The following AGBL1 variants were observed in gnomAD, a reference collection of about 807,000 sequenced individuals.
AGBL1 encodes cytosolic carboxypeptidase 4.
AGBL1 carries 130 observed loss-of-function variants against 118.9 expected under a neutral mutation model. The observed-to-expected ratio is 1.09, with a 90% CI of 0.95 to 1.26. AGBL1 has a LOEUF of 1.26. Among genes scored for constraint, AGBL1 ranks in the 50% most tolerant of loss-of-function variants. AGBL1 has a pLI of 0.00. For missense variants in AGBL1, 1,584 were observed against 1,298.1 expected (o/e 1.22, Z -3.38); for synonymous variants, 555 against 478.9 (o/e 1.16, Z -2.08).
chr15:87,029,295 T>C (rs952604015), downstream of AGBL1, among the ~76,000 whole-genome samples: 2 of 151,870 alleles, frequency 1.3e-5, no homozygotes, highest in Non-Finnish European at 2.9e-5. Context: ...TATGTAATAC[T>C]GAAACAACTC....
chr15:86,711,465 G>T (rs2086554824), intron 22 of AGBL1, among the ~76,000 whole-genome samples: 1 of 152,148 alleles, frequency 6.6e-6, no homozygotes, highest in Non-Finnish European at 1.5e-5. Context: ...CTTGTTTATA[G>T]CATTTGTGTC....
intron 6 of AGBL1, among the ~76,000 whole-genome samples, chr15:86,234,440 A>C (rs934806614): frequency 6.7e-6 from 1 of 149,582 alleles, no homozygotes; most frequent in Admixed American, 6.7e-5. Flanking sequence ...AGTCCCAGCT[A>C]TTTGGGAGGC....
chr15:86,255,933 G>A (rs796116103), intron 7 of AGBL1, among the ~76,000 whole-genome samples: 4 of 152,210 alleles, frequency 2.6e-5, no homozygotes, highest in African/African-American at 9.6e-5. Context: ...GCAGCACCAC[G>A]GACATTCACA....
chr15:86,167,853 A>G (rs1182974262), intron 5 of AGBL1, among the ~76,000 whole-genome samples: 2 of 152,256 alleles, frequency 1.3e-5, no homozygotes, highest in African/African-American at 2.4e-5. Context: ...AAGTTCAATT[A>G]TAGTGCTATT....
At chr15:86,662,649 C>G (rs2085565034) in intron 21 of AGBL1, among the ~76,000 whole-genome samples, 1 of 152,212 alleles carries the variant, frequency 6.6e-6, no homozygotes, top group Admixed American at 6.5e-5. Flanking sequence ...TTGATAAAAT[C>G]AGCTGAACTA....
intron 22 of AGBL1, among the ~76,000 whole-genome samples, chr15:86,817,724 A>G (rs1308801298): frequency 6.6e-6 from 1 of 151,956 alleles, no homozygotes; most frequent in Admixed American, 6.6e-5. Flanking sequence ...GTGGTCCTCC[A>G]AAAGATACAT....
intron 22 of AGBL1, among the ~76,000 whole-genome samples, chr15:86,744,137 T>A (rs1200171700): frequency 6.6e-6 from 1 of 152,132 alleles, no homozygotes; most frequent in African/African-American, 2.4e-5. Context: ...AACTCTAGTT[T>A]AAAACACAAA....
intron 17 of AGBL1, among the ~76,000 whole-genome samples, chr15:86,370,301 CTT>C (rs5814238): frequency 0.025 from 3,336 of 130,950 alleles, 42 homozygotes; most frequent in African/African-American, 0.047. Context: ...GTCTCTATTC[CTT>C]TTTTTTTTTT....
chr15:86,381,473 C>G (rs1363190130), intron 17 of AGBL1, among the ~76,000 whole-genome samples: 2 of 151,922 alleles, frequency 1.3e-5, no homozygotes, highest in Non-Finnish European at 2.9e-5. Flanking sequence ...TCCAGGAAGA[C>G]TGGAAACTTA....
At chr15:86,482,019 G>A (rs1393255904) in intron 18 of AGBL1, among the ~76,000 whole-genome samples, 1 of 152,118 alleles carries the variant, frequency 6.6e-6, no homozygotes, top group Non-Finnish European at 1.5e-5. Flanking sequence ...AAGTCCAGTA[G>A]TCTGCTGTGT....
intron 22 of AGBL1, among the ~76,000 whole-genome samples, chr15:86,704,784 A>G (rs1047015140): frequency 1.3e-5 from 2 of 152,198 alleles, no homozygotes; most frequent in East Asian, 1.9e-4. Flanking sequence ...ATTACTGGGT[A>G]TGTACCCAAA....
intron 16 of AGBL1, among the ~76,000 whole-genome samples, chr15:86,286,974 C>A (rs1390830426): frequency 6.6e-6 from 1 of 151,984 alleles, no homozygotes; most frequent in African/African-American, 2.4e-5. Flanking sequence ...TTTACATTCC[C>A]ACCAATGGTG....
At chr15:86,841,421 A>G (rs922353447) in intron 22 of AGBL1, among the ~76,000 whole-genome samples, 2 of 152,198 alleles carry the variant, frequency 1.3e-5, no homozygotes, top group African/African-American at 4.8e-5. Flanking sequence ...GAATTGCAGA[A>G]AATATTTTGC....
chr15:86,596,176 C>T lies in AGBL1; in HGVS notation c.2994+41639C>T, dbSNP rs1218769681. Among the ~76,000 whole-genome samples, 4 of 151,898 alleles carry T rather than the reference C, an allele frequency of 2.6e-5. No homozygotes were observed. In the East Asian group the frequency reaches 5.8e-4, roughly 22 times the overall value. ...AGAAAAAATTAGCTGGACATGTTGG[C>T]GTGTGCCTGTAGTCCCAGCTACTCA... On this transcript the variant is annotated intron_variant, in intron 21 of 22. Coordinates refer to ENST00000614907, the MANE Select transcript of AGBL1 (RefSeq NM_001386094.1).
intron 22 of AGBL1, among the ~76,000 whole-genome samples, chr15:86,853,530 G>A (rs2141463849): frequency 6.6e-6 from 1 of 152,194 alleles, no homozygotes; most frequent in South Asian, 2.1e-4. Flanking sequence ...TGTTGCCCAG[G>A]GCAGAAGAGC....
intron 18 of AGBL1, among the ~76,000 whole-genome samples, chr15:86,463,761 AT>A (rs1391528233): frequency 1.3e-5 from 2 of 151,862 alleles, no homozygotes; most frequent in Admixed American, 1.3e-4. Context: ...GAAGTGCGGC[AT>A]TTTTTCCAAG....
intron 17 of AGBL1, chr15:86,297,056 G>A (rs1033197100): frequency 3.3e-5 from 5 of 151,842 alleles, no homozygotes; most frequent in Admixed American, 6.6e-5. Flanking sequence ...TAAATAATCT[G>A]GCACTCCAAC....
chr15:86,944,131 G>A (rs1437061687), intron 23 of AGBL1, among the ~76,000 whole-genome samples: 1 of 152,132 alleles, frequency 6.6e-6, no homozygotes, highest in Non-Finnish European at 1.5e-5. Context: ...AGCACTTTGG[G>A]AGGCTGAGGC....
At chr15:86,998,071 G>T (rs2081396619) in intron 24 of AGBL1, among the ~76,000 whole-genome samples, 1 of 152,122 alleles carries the variant, frequency 6.6e-6, no homozygotes, top group Non-Finnish European at 1.5e-5. Flanking sequence ...GAACACATAG[G>T]ATTGGGGATT....
Sources: gnomAD v4.1 joint callset for allele counts (sites outside exome capture counted in the v4.1 genomes callset) on GRCh38, gnomAD v4.1.1 for gene constraint, MANE v1.5 for transcripts, NCBI Gene and HGNC (gene_info 2026-07-23, HGNC 2026-07-21) for gene names.